The following FAM120A variants were observed in gnomAD, a reference collection of about 807,000 sequenced individuals.
FAM120A encodes the protein family with sequence similarity 120 member A, also known as constitutive coactivator of PPAR-gamma-like protein 1.
In FAM120A, 15 loss-of-function variants were observed where a neutral mutation model predicts 109.7. That is an observed-to-expected ratio of 0.14 (90% CI 0.09 to 0.21). The LOEUF is 0.21. Ranked by LOEUF, FAM120A falls within the 10% of genes least tolerant of loss-of-function variation. FAM120A has a pLI of 1.00. For synonymous variants in FAM120A, 493 were observed against 572.8 expected (o/e 0.86, Z 1.99); for missense variants, 899 against 1,439.3 (o/e 0.62, Z 6.07).
In FAM120A at chr9:93,550,689, A is replaced by G. The variant is rs927102051; in HGVS notation, c.2272A>G (p.Lys758Glu). 6.2e-7 allele frequency: 1 copy of G among 1,612,674 alleles called. No individual in the cohort carries two copies. Among genetic ancestry groups the G allele is most frequent in the Non-Finnish European group, 8.5e-7 (1 of 1,179,238 alleles). Residue 758 changes from lysine to glutamate, a missense_variant and splice_region_variant, in exon 12 of 18, where the codon AAG becomes GAG. Around this residue, in one of 11 missense-constraint regions of FAM120A, gnomAD observed 52 missense variants for 49.7 expected, o/e 1.05. Transcript: ENST00000277165. The stretch of plus-strand genomic sequence containing the variant: ...CGAGCCTGATCAGCTCCAGGAGCTC[A>G]AGGTAATTTATCAGCCTCATTGCAT... ...LYEPDQLQEL[K>E]IENLDPRGIQ...
At position 93,452,573 on chromosome 9, in the gene FAM120A, G is replaced by A. The variant is rs1857303593; in HGVS notation, c.474+184G>A. The A allele has an allele frequency of 1.9e-6, 3 of 1,593,674 alleles. No homozygotes were observed. The highest frequency in any genetic ancestry group is 2.5e-6 in the Non-Finnish European group (3 of 1,177,056). On this transcript the variant is annotated intron_variant, in intron 1 of 17. Coordinates refer to ENST00000277165, the MANE Select transcript of FAM120A (RefSeq NM_014612.5). The surrounding 1 kb of genome is among the most constrained non-coding windows in gnomAD (Gnocchi z 7.0). ...GGATGGCCGCGGGTGCAGGCCGCGC[G>A]CTGCCCAAGCCCGTCTCCAGCTGTC... is the stretch of plus-strand genomic sequence containing the variant.
In FAM120A at chr9:93,452,621, G is replaced by T. The variant is rs898076828; in HGVS notation, c.474+232G>T. The T allele has an allele frequency of 6.3e-7, 1 of 1,599,258 alleles. No homozygotes were observed. On this transcript the variant is annotated intron_variant, in intron 1 of 17. Transcript: ENST00000277165. The surrounding 1 kb of genome is among the most constrained non-coding windows in gnomAD (Gnocchi z 7.0). ...GTCCCTGTTCGGGGTCCGCGGCCGC[G>T]TGGGGACACTTGAGGGCTGGGAGAG...
intron 5 of FAM120A, among the ~76,000 whole-genome samples, chr9:93,504,602 A>G (rs1859950194): frequency 6.6e-6 from 1 of 152,138 alleles, no homozygotes; most frequent in Non-Finnish European, 1.5e-5. Flanking sequence ...CTTAATATTT[A>G]TATTATTGTG....
intron 3 of FAM120A, among the ~76,000 whole-genome samples, chr9:93,490,275 A>G (rs371232208): frequency 7.2e-5 from 11 of 152,364 alleles, no homozygotes; most frequent in African/African-American, 2.2e-4. Flanking sequence ...TTGCATTTTA[A>G]ATGAGCAGCT....
intron 1 of FAM120A, among the ~76,000 whole-genome samples, chr9:93,454,684 A>G (rs1205097713): frequency 6.6e-6 from 1 of 152,238 alleles, no homozygotes; most frequent in Non-Finnish European, 1.5e-5. Context: ...AACCCTATGT[A>G]CTTCCTTGGT....
intron 9 of FAM120A, chr9:93,530,091 A>G (rs1342221260): frequency 5.7e-6 from 1 of 174,610 alleles, no homozygotes; most frequent in Admixed American, 5.5e-5. Flanking sequence ...ATAATACAGG[A>G]TTTTGTTAAC....
At chr9:93,488,926 G>A (rs1202381678) in intron 3 of FAM120A, among the ~76,000 whole-genome samples, 1 of 151,122 alleles carries the variant, frequency 6.6e-6, no homozygotes, top group Admixed American at 6.6e-5. Context: ...TTAAATTCAG[G>A]TCTGATCTCA....
chr9:93,523,306 A>T (rs1860921180), intron 7 of FAM120A: 2 of 1,289,042 alleles, frequency 1.6e-6, no homozygotes, highest in African/African-American at 3.0e-5. Context: ...TTGCAAAAAA[A>T]CTTTGTGTTT....
chr9:93,560,418 A>T (rs560982587), intron 15 of FAM120A, among the ~76,000 whole-genome samples: 9 of 152,352 alleles, frequency 5.9e-5, no homozygotes, highest in African/African-American at 2.2e-4. Flanking sequence ...GCTACAAAAA[A>T]ATATAAGCTT....
chr9:93,523,995 G>C (rs1860958972), intron 7 of FAM120A, among the ~76,000 whole-genome samples: 1 of 152,328 alleles, frequency 6.6e-6, no homozygotes, highest in East Asian at 1.9e-4. Flanking sequence ...AGAACTCTGA[G>C]CATCTGTCCA....
chr9:93,496,638 T>G (rs1419866359), intron 3 of FAM120A, among the ~76,000 whole-genome samples: 6 of 152,212 alleles, frequency 3.9e-5, no homozygotes, highest in African/African-American at 1.4e-4. Context: ...TGGGCTTGTC[T>G]GGGTAATCCA....
intron 11 of FAM120A, among the ~76,000 whole-genome samples, chr9:93,550,027 G>A (rs1044591583): frequency 6.6e-5 from 10 of 152,188 alleles, no homozygotes; most frequent in Non-Finnish European, 8.8e-5. Context: ...ACATTTTGCC[G>A]TGGCTCTAGT....
rs766627581 is a variant in FAM120A at position 93,529,387 on chromosome 9, A to G, written c.1541A>G (p.Gln514Arg). ...EGSSTASSGS[Q>R]LAEGKGSQMG... is the part of the protein sequence containing the mutation. ...TCGTCCACTGCCTCTTCAGGAAGCC[A>G]ACTAGCCGAAGGCAAGGGAAGCCAG... is the stretch of plus-strand genomic sequence containing the variant. The change falls in exon 9 of 18, where the codon CAA becomes CGA. Residue 514 changes from glutamine to arginine, a missense_variant. Transcript: ENST00000277165. 15 of 1,612,102 alleles carry G rather than the reference A, an allele frequency of 9.3e-6. No homozygotes were observed. The highest frequency in any genetic ancestry group is 1.3e-5 in the Non-Finnish European group (15 of 1,178,946).
chr9:93,548,448 A>G (rs1404522677), intron 11 of FAM120A, among the ~76,000 whole-genome samples: 1 of 152,042 alleles, frequency 6.6e-6, no homozygotes, highest in Non-Finnish European at 1.5e-5. Context: ...GTTGTTGTGT[A>G]AGGGGAACAG....
chr9:93,542,168 T>A (rs1328304140), intron 10 of FAM120A, among the ~76,000 whole-genome samples: 1 of 152,184 alleles, frequency 6.6e-6, no homozygotes, highest in African/African-American at 2.4e-5. Context: ...ACACTGGCCT[T>A]GGAGTGGGTC....
intron 10 of FAM120A, among the ~76,000 whole-genome samples, chr9:93,541,492 A>T (rs1330494997): frequency 6.6e-6 from 1 of 152,196 alleles, no homozygotes; most frequent in Admixed American, 6.5e-5. Flanking sequence ...TGGAGACCTT[A>T]TTGGTTTTAT....
chr9:93,540,474 T>A (rs997023942), intron 10 of FAM120A, among the ~76,000 whole-genome samples: 1 of 152,198 alleles, frequency 6.6e-6, no homozygotes, highest in Non-Finnish European at 1.5e-5. Context: ...CTGTCCCTAC[T>A]GTGTCGACAG....
chr9:93,502,556 G>A (rs1176340865), intron 5 of FAM120A, among the ~76,000 whole-genome samples: 2 of 87,122 alleles, frequency 2.3e-5, no homozygotes, highest in East Asian at 6.9e-4. Flanking sequence ...GAGTTCTTAG[G>A]AGGACACATA....
intron 11 of FAM120A, among the ~76,000 whole-genome samples, chr9:93,547,355 T>C (rs1229968434): frequency 6.6e-6 from 1 of 152,196 alleles, no homozygotes; most frequent in East Asian, 1.9e-4. Flanking sequence ...GCGCCGTCAG[T>C]GTGTGCTCTA....
Sources: allele counts gnomAD v4.1 joint callset (sites outside exome capture counted in the v4.1 genomes callset), GRCh38; gene constraint gnomAD v4.1.1; regional missense constraint gnomAD v4.1.1; non-coding constraint Gnocchi (gnomAD v3.1); transcripts MANE v1.5; gene names NCBI Gene and HGNC (gene_info 2026-07-23, HGNC 2026-07-21).